ARHGAP31: variants seen among roughly 807,000 people sequenced by gnomAD.
The protein encoded by ARHGAP31 is Rho GTPase activating protein 31.
In ARHGAP31, 34 loss-of-function variants were observed where a neutral mutation model predicts 113.9. That is an observed-to-expected ratio of 0.30 (90% confidence interval 0.23 to 0.40). The LOEUF (loss-of-function observed/expected upper bound fraction) is 0.40. Ranked by LOEUF, ARHGAP31 falls within the 10% of genes least tolerant of loss-of-function variation. ARHGAP31 has a pLI of 1.00. For synonymous variants in ARHGAP31, 650 were observed against 684.8 expected (o/e 0.95, Z 0.79); for missense variants, 1,548 against 1,767.1 (o/e 0.88, Z 2.22).
intron 10 of ARHGAP31, among the ~76,000 whole-genome samples, chr3:119,402,956 G>A (rs1488640401): frequency 6.6e-6 from 1 of 152,208 alleles, no homozygotes; most frequent in Non-Finnish European, 1.5e-5. Flanking sequence ...GAAGGATTCT[G>A]ATTGGATCTG....
At position 119,419,469 on chromosome 3, in the gene ARHGAP31, A is replaced by T. The variant is rs1422952389; in HGVS notation, c.*3205A>T. On this transcript the variant is annotated 3_prime_UTR_variant, in exon 12 of 12. Transcript: ENST00000264245. ...TAGACTCTGAGGACATTAAAAATGT[A>T]AATATCATCATCCTTAGCAAATATT... 6.6e-6 allele frequency: 1 copy of T among 152,214 alleles called. No individual in the cohort carries two copies. Among genetic ancestry groups the T allele is most frequent in the African/African-American group, 2.4e-5 (1 of 41,456 alleles). The allele number at this position is 152,214 out of a possible 1,614,324, so 9.4% of individuals were successfully genotyped here.
At chr3:119,362,637 AG>A (rs2080218555) in intron 1 of ARHGAP31, among the ~76,000 whole-genome samples, 3 of 151,984 alleles carry the variant, frequency 2.0e-5, no homozygotes, top group African/African-American at 7.3e-5. Flanking sequence ...GCATGGTGGC[AG>A]GCACCTGTAA....
intron 1 of ARHGAP31, among the ~76,000 whole-genome samples, chr3:119,347,808 A>G (rs1577005956): frequency 6.6e-6 from 1 of 152,350 alleles, no homozygotes; most frequent in East Asian, 1.9e-4. Flanking sequence ...TGACATTTTC[A>G]GTAGCAAACA....
chr3:119,410,245 T>C (rs2080704153), intron 11 of ARHGAP31, among the ~76,000 whole-genome samples: 1 of 152,202 alleles, frequency 6.6e-6, no homozygotes, highest in Non-Finnish European at 1.5e-5. Context: ...TTCCGTGGGC[T>C]CTGGAGAAGT....
At chr3:119,357,469 G>A (rs555479779) in intron 1 of ARHGAP31, among the ~76,000 whole-genome samples, 15 of 152,280 alleles carry the variant, frequency 9.9e-5, no homozygotes, top group African/African-American at 2.4e-4. Context: ...TGGCAGGGGG[G>A]AGTGTGGCCA....
rs767061682 is a variant in ARHGAP31 at position 119,416,210 on chromosome 3, G to A, written c.4281G>A (p.Gln1427=). 10 of 1,614,210 alleles carry A rather than the reference G, an allele frequency of 6.2e-6. No individual in the cohort carries two copies. The highest frequency in any genetic ancestry group is 8.5e-6 in the Non-Finnish European group (10 of 1,180,038). ...AGACCTCAACCAGCTGTTTTTACCA[G>A]CCTCAGCGGAGATCAGTAATTCTGG... The part of the protein sequence containing the change: ...RLETSTSCFY[Q]PQRRSVILDG... Residue 1427 remains glutamine, a synonymous_variant, in exon 12 of 12, where the codon CAG becomes CAA. Coordinates refer to ENST00000264245, the MANE Select transcript of ARHGAP31 (RefSeq NM_020754.4).
Position 119,413,965 on chromosome 3 carries a change from C to G in ARHGAP31, c.2036C>G (p.Thr679Ser). Residue 679 changes from threonine (T) to serine (S), a missense_variant, in exon 12 of 12, where the codon ACC (threonine) becomes AGC (serine). Transcript: ENST00000264245. ...TCGTTGCCACCTCCTGCTCTGAAGA[C>G]CAGCCCAATTCAGCCTATTCTCGAG... The part of the protein sequence containing the change: ...LSSLPPPALK[T>S]SPIQPILESS... 4 of 1,614,226 alleles carry G rather than the reference C, an allele frequency of 2.5e-6. No individual in the cohort carries two copies. Among genetic ancestry groups the G allele is most frequent in the Non-Finnish European group, 3.4e-6 (4 of 1,180,042 alleles).
Position 119,416,363 on chromosome 3 carries a change from GGCCTATTGTGGCCTCTGAC to G in ARHGAP31, c.*100_*118del. On this transcript the variant is annotated 3_prime_UTR_variant, in exon 12 of 12. Transcript: ENST00000264245. The stretch of plus-strand genomic sequence containing the variant: ...TTCCAGGCACACGTTATCAAGTTTG[GGCCTATTGTGGCCTCTGAC>G]TTCTCTTTCTTCAGCCTTTTGACCA... 1.3e-6 allele frequency: 2 copies of G among 1,527,094 alleles called. No individual in the cohort carries two copies. Among genetic ancestry groups the G allele is most frequent in the Non-Finnish European group, 1.8e-6 (2 of 1,119,844 alleles). 94.6% of individuals were successfully genotyped at this position (1,527,094 alleles called of 1,614,324 possible).
intron 6 of ARHGAP31, among the ~76,000 whole-genome samples, chr3:119,389,751 A>G (rs1477914064): frequency 6.6e-6 from 1 of 152,224 alleles, no homozygotes; most frequent in African/African-American, 2.4e-5. Context: ...AGTAATTTCA[A>G]TTGGTCTAAA....
At chr3:119,377,947 G>C (rs893183517) in intron 3 of ARHGAP31, among the ~76,000 whole-genome samples, 1 of 152,092 alleles carries the variant, frequency 6.6e-6, no homozygotes, top group African/African-American at 2.4e-5. Context: ...AGGGCTGCCC[G>C]GGCAGCAGGA....
At chr3:119,413,468 TTTG>T (rs1222808162) in intron 11 of ARHGAP31, among the ~76,000 whole-genome samples, 2 of 152,164 alleles carry the variant, frequency 1.3e-5, no homozygotes, top group African/African-American at 2.4e-5. Context: ...GACCAGGGTT[TTTG>T]TTGTTTTATA....
At chr3:119,318,195 A>C (rs1382876039) in intron 1 of ARHGAP31, among the ~76,000 whole-genome samples, 1 of 152,110 alleles carries the variant, frequency 6.6e-6, no homozygotes, top group Non-Finnish European at 1.5e-5. Context: ...GCTTGAACCC[A>C]GGAAGTCGAG....
intron 11 of ARHGAP31, among the ~76,000 whole-genome samples, chr3:119,410,654 A>G (rs2080707417): frequency 6.6e-6 from 1 of 152,238 alleles, no homozygotes; most frequent in South Asian, 2.1e-4. Flanking sequence ...AATGAATGGC[A>G]TTGCTTTGAG....
intron 1 of ARHGAP31, among the ~76,000 whole-genome samples, chr3:119,346,432 C>T (rs979319801): frequency 3.3e-5 from 5 of 152,320 alleles, no homozygotes; most frequent in Middle Eastern, 3.4e-3. Context: ...CCAGTGACTC[C>T]TGCCTGACAG....
intron 1 of ARHGAP31, among the ~76,000 whole-genome samples, chr3:119,342,207 G>A (rs2080014606): frequency 6.6e-6 from 1 of 152,120 alleles, no homozygotes; most frequent in Admixed American, 6.5e-5. Context: ...TGAAAGAGCA[G>A]TTATAACCTA....
intron 10 of ARHGAP31, among the ~76,000 whole-genome samples, chr3:119,405,273 A>T (rs2080649768): frequency 1.3e-5 from 2 of 152,212 alleles, no homozygotes; most frequent in South Asian, 4.1e-4. Flanking sequence ...GCTATAATAT[A>T]GAAAATAAAA....
At position 119,417,699 on chromosome 3, in the gene ARHGAP31, C is replaced by T. The variant is rs2080790618; in HGVS notation, c.*1435C>T. 6.6e-6 allele frequency: 1 copy of T among 152,036 alleles called. No homozygotes were observed. The highest frequency in any genetic ancestry group is 1.5e-5 in the Non-Finnish European group (1 of 68,020). 9.4% of individuals were successfully genotyped at this position (152,036 alleles called of 1,614,324 possible). A position where few individuals can be genotyped will look rare whatever the true frequency, so the allele number is the denominator to read the frequency against. On this transcript the variant is annotated 3_prime_UTR_variant, in exon 12 of 12. Transcript: ENST00000264245. ...TCTGTATACAAGCAGAAGCAATAAA[C>T]CAATCTGATTTTCTTTTCAATTATT...
chr3:119,350,575 G>A (rs979255282), intron 1 of ARHGAP31, among the ~76,000 whole-genome samples: 1 of 152,152 alleles, frequency 6.6e-6, no homozygotes, highest in African/African-American at 2.4e-5. Context: ...CTCACTCTTA[G>A]GGCATGGTGA....
chr3:119,400,888 G>T (rs2080598408), intron 9 of ARHGAP31, among the ~76,000 whole-genome samples: 1 of 152,152 alleles, frequency 6.6e-6, no homozygotes, highest in Non-Finnish European at 1.5e-5. Flanking sequence ...TCAAGAACTT[G>T]GTCTGGGCAT....
Sources: gnomAD v4.1 joint callset for allele counts (sites outside exome capture counted in the v4.1 genomes callset) on GRCh38, gnomAD v4.1.1 for gene constraint, MANE v1.5 for transcripts, NCBI Gene and HGNC (gene_info 2026-07-23, HGNC 2026-07-21) for gene names.